The following LRMDA variants were observed in gnomAD, a reference collection of about 807,000 sequenced individuals.
The protein encoded by LRMDA is leucine-rich melanocyte differentiation-associated protein.
A neutral mutation model predicts 29.8 loss-of-function variants in LRMDA; 18 were observed. That is an observed-to-expected ratio of 0.60 (90% CI 0.42 to 0.90). The LOEUF (loss-of-function observed/expected upper bound fraction) is 0.90. Ranked by LOEUF, LRMDA falls within the 40% of genes least tolerant of loss-of-function variation. The pLI, the probability that LRMDA is intolerant of heterozygous loss-of-function variation, is 0.00. For missense variants in LRMDA, 273 were observed against 273.9 expected, an observed-to-expected ratio of 1.00 and a Z score of 0.02; for synonymous variants, 125 against 109.4, an observed-to-expected ratio of 1.14 and a Z score of -0.89.
At chr10:76,305,818 T>C (rs1840547915) in intron 5 of LRMDA, among the ~76,000 whole-genome samples, 1 of 152,126 alleles carries the variant, frequency 6.6e-6, no homozygotes. Context: ...CAGTTATTGA[T>C]AGTATAAAGC....
chr10:75,555,011 T>A (rs547479057), intron 2 of LRMDA, among the ~76,000 whole-genome samples: 1 of 152,316 alleles, frequency 6.6e-6, no homozygotes, highest in Admixed American at 6.5e-5. Flanking sequence ...GATGATCTAC[T>A]GGTCCTTTTC....
intron 2 of LRMDA, among the ~76,000 whole-genome samples, chr10:75,990,817 G>T (rs1362884750): frequency 1.3e-5 from 2 of 152,242 alleles, no homozygotes; most frequent in African/African-American, 2.4e-5. Context: ...GGATGGGAAA[G>T]ATCAGGGCTG....
chr10:75,488,078 C>G (rs1448440479), intron 2 of LRMDA, among the ~76,000 whole-genome samples: 2 of 152,092 alleles, frequency 1.3e-5, no homozygotes, highest in African/African-American at 2.4e-5. Context: ...AGAAACCTGA[C>G]TTATGGCATA....
intron 2 of LRMDA, among the ~76,000 whole-genome samples, chr10:75,876,607 C>T (rs748254903): frequency 3.3e-5 from 5 of 152,186 alleles, no homozygotes; most frequent in Non-Finnish European, 5.9e-5. Context: ...TATTCATGGG[C>T]CTGATATATA....
At chr10:76,059,818 G>C (rs1292872860) in intron 5 of LRMDA, among the ~76,000 whole-genome samples, 1 of 152,154 alleles carries the variant, frequency 6.6e-6, no homozygotes, top group African/African-American at 2.4e-5. Context: ...GAATCCATGA[G>C]GTGCAACTTA....
intron 6 of LRMDA, among the ~76,000 whole-genome samples, chr10:76,372,969 G>A (rs990220539): frequency 1.3e-5 from 2 of 152,152 alleles, no homozygotes; most frequent in Admixed American, 1.3e-4. Flanking sequence ...CTTATCAAGT[G>A]TATTTGGGAA....
At chr10:76,367,982 C>T (rs1007404274) in intron 6 of LRMDA, among the ~76,000 whole-genome samples, 2 of 151,968 alleles carry the variant, frequency 1.3e-5, no homozygotes, top group Admixed American at 1.3e-4. Flanking sequence ...TTATTTGGAT[C>T]TTCTGTCTTC....
chr10:76,400,312 G>C (rs1306495366), intron 6 of LRMDA, among the ~76,000 whole-genome samples: 1 of 152,168 alleles, frequency 6.6e-6, no homozygotes, highest in Non-Finnish European at 1.5e-5. Context: ...GCCCTGGTCT[G>C]TACCTTGATA....
chr10:75,600,765 AAAAG>A (rs1228742552), intron 2 of LRMDA, among the ~76,000 whole-genome samples: 9 of 152,372 alleles, frequency 5.9e-5, no homozygotes, highest in African/African-American at 9.6e-5. Context: ...TAAAAAATCT[AAAAG>A]AAAGCCTGGG....
intron 6 of LRMDA, among the ~76,000 whole-genome samples, chr10:76,532,099 C>T (rs1259888387): frequency 2.0e-5 from 3 of 152,000 alleles, no homozygotes; most frequent in Non-Finnish European, 2.9e-5. Flanking sequence ...CATAGGTATA[C>T]GCGTGCCATG....
intron 6 of LRMDA, among the ~76,000 whole-genome samples, chr10:76,474,072 T>C (rs1295157736): frequency 6.6e-6 from 1 of 151,692 alleles, no homozygotes; most frequent in African/African-American, 2.4e-5. Flanking sequence ...TTACAGTGAA[T>C]TGATTTTTGC....
chr10:76,190,440 G>A (rs1021114529), intron 5 of LRMDA, among the ~76,000 whole-genome samples: 1 of 152,118 alleles, frequency 6.6e-6, no homozygotes, highest in Non-Finnish European at 1.5e-5. Context: ...CTTTTTCAAG[G>A]TTTACATTTC....
At chr10:75,860,318 T>G (rs867181861) in intron 2 of LRMDA, among the ~76,000 whole-genome samples, 10 of 142,800 alleles carry the variant, frequency 7.0e-5, no homozygotes, top group East Asian at 4.1e-4. Context: ...CTGGTTTTTT[T>G]TTTTTTTTTT....
At chr10:75,874,197 G>A (rs982926923) in intron 2 of LRMDA, among the ~76,000 whole-genome samples, 6 of 152,126 alleles carry the variant, frequency 3.9e-5, no homozygotes, top group African/African-American at 7.2e-5. Flanking sequence ...AGTAAAAGTC[G>A]GGGGAAAGAA....
intron 6 of LRMDA, among the ~76,000 whole-genome samples, chr10:76,391,447 T>C (rs1475002481): frequency 6.6e-6 from 1 of 152,230 alleles, no homozygotes; most frequent in Non-Finnish European, 1.5e-5. Context: ...ACCTACTATG[T>C]ATTTTATTGG....
intron 5 of LRMDA, among the ~76,000 whole-genome samples, chr10:76,118,749 GTTAT>G (rs1179773044): frequency 1.4e-5 from 2 of 146,556 alleles, no homozygotes; most frequent in Admixed American, 6.8e-5. Flanking sequence ...TTTTTATCCT[GTTAT>G]TTATTTTTGA....
intron 6 of LRMDA, among the ~76,000 whole-genome samples, chr10:76,413,534 C>A (rs1019845589): frequency 6.6e-6 from 1 of 152,154 alleles, no homozygotes; most frequent in Non-Finnish European, 1.5e-5. Flanking sequence ...ATGGGGGAAA[C>A]TGACCCCATG....
At chr10:76,458,454 CTGTT>C (rs1842480151) in intron 6 of LRMDA, among the ~76,000 whole-genome samples, 1 of 152,104 alleles carries the variant, frequency 6.6e-6, no homozygotes, top group Non-Finnish European at 1.5e-5. Context: ...TTGTCAAATT[CTGTT>C]TGATTGATTG....
chr10:75,965,654 C>T (rs1846846662), intron 2 of LRMDA, among the ~76,000 whole-genome samples: 1 of 152,162 alleles, frequency 6.6e-6, no homozygotes, highest in Non-Finnish European at 1.5e-5. Flanking sequence ...CTTGGCCCGG[C>T]TCAGTTTCCT....
Sources: gnomAD v4.1 joint callset for allele counts (sites outside exome capture counted in the v4.1 genomes callset) on GRCh38, gnomAD v4.1.1 for gene constraint, MANE v1.5 for transcripts, NCBI Gene and HGNC (gene_info 2026-07-23, HGNC 2026-07-21) for gene names.